Variants in PDGFRL observed in about 807,000 individuals in gnomAD.
PDGFRL encodes the protein platelet derived growth factor receptor like, also known as platelet-derived growth factor receptor-like protein.
In PDGFRL, 46 loss-of-function variants were observed where a neutral mutation model predicts 37.2. That is an observed-to-expected ratio of 1.24 (90% CI 0.98 to 1.58). The LOEUF is 1.58. PDGFRL is among the 40% of genes most tolerant of loss of function. The probability of loss-of-function intolerance (pLI) is 0.00; values close to 1 mark genes in which losing one functional copy is unlikely to be tolerated. For missense variants in PDGFRL, 692 were observed against 467.6 expected (o/e 1.48, Z -4.43); for synonymous variants, 251 against 184.3 (o/e 1.36, Z -2.93).
In PDGFRL at chr8:17,581,861, G is replaced by A. The variant is rs1021671289; in HGVS notation, c.55+4554G>A. On this transcript the variant is annotated intron_variant, in intron 1 of 5. Transcript: ENST00000251630. ...GCCCTACGTATTCCTCTATAGCAAT[G>A]CGAAATGAACTAACACAGAAAATTG... Among the ~76,000 whole-genome samples the A allele has an allele frequency of 4.6e-4, 70 of 152,076 alleles. 1 individual carries two copies. The highest frequency in any genetic ancestry group is 4.6e-3 in the Admixed American group (70 of 15,258).
chr8:17,577,969 G>T (rs906656852), intron 1 of PDGFRL, among the ~76,000 whole-genome samples: 1 of 151,882 alleles, frequency 6.6e-6, no homozygotes, highest in African/African-American at 2.4e-5. Context: ...GACCATGACC[G>T]CTGCGCGTTT....
At chr8:17,642,471 T>G in intron 5 of PDGFRL, 142 bp from the exon 6 acceptor site, 4 of 632,344 alleles carry the variant, frequency 6.3e-6, no homozygotes. Flanking sequence ...CTTCCACAGC[T>G]TATGAGCTAC....
At position 17,642,693 on chromosome 8, in the gene PDGFRL, T is replaced by C. The variant is rs754103250; in HGVS notation, c.1020T>C (p.Ser340=). ...GLGHTTRISQ[S]VITVEDFETI... is the part of the protein sequence containing the mutation. ...GACACACCACGAGAATCTCCCAGAG[T>C]GTCATTACAGTGGAAGACTTTGAGA... Residue 340 remains serine, a synonymous_variant, in exon 6 of 6, where the codon AGT becomes AGC. Coordinates refer to ENST00000251630, the MANE Select transcript of PDGFRL (RefSeq NM_001372073.1). 2.5e-6 allele frequency: 4 copies of C among 1,603,012 alleles called. No individual in the cohort carries two copies. In the South Asian group the frequency reaches 3.3e-5, roughly 13 times the overall value.
At chr8:17,637,288 T>C (rs909922592) in intron 5 of PDGFRL, among the ~76,000 whole-genome samples, 2 of 152,192 alleles carry the variant, frequency 1.3e-5, no homozygotes, top group African/African-American at 2.4e-5. Flanking sequence ...GTTTTAATCA[T>C]AAAGGGATGC....
intron 3 of PDGFRL, among the ~76,000 whole-genome samples, chr8:17,626,212 T>C (rs373456662): frequency 5.3e-5 from 8 of 152,178 alleles, no homozygotes; most frequent in African/African-American, 1.4e-4. Flanking sequence ...ATGTGGACAT[T>C]GAAGCATGAG....
rs748152710 is a variant in PDGFRL, at chr8:17,628,787, C to T, written c.799+7C>T. 3 of 1,603,120 alleles carry T rather than the reference C, an allele frequency of 1.9e-6. No homozygotes were observed. The highest frequency in any genetic ancestry group is 4.5e-5 in the East Asian group (2 of 44,804). ...CAGCTGCTCTATGTGGCGGGTAAGC[C>T]TGGCCACCCCTGCCTAGATTCTAGT... is the stretch of plus-strand genomic sequence containing the variant. On this transcript the variant is annotated splice_region_variant and intron_variant, in intron 4 of 5. Coordinates refer to ENST00000251630, the MANE Select transcript of PDGFRL (RefSeq NM_001372073.1).
chr8:17,592,150 T>G (rs527269635), intron 2 of PDGFRL, among the ~76,000 whole-genome samples: 3 of 152,348 alleles, frequency 2.0e-5, no homozygotes, highest in African/African-American at 7.2e-5. Flanking sequence ...AGCCTTCACT[T>G]TAACATTTCA....
Position 17,630,629 on chromosome 8 carries a change from G to GCTCCC in PDGFRL, c.799+1870_799+1874dup, listed in dbSNP as rs890729567. 2.1e-4 allele frequency among the ~76,000 whole-genome samples: 32 copies of GCTCCC among 152,158 alleles called. 1 individual carries two copies. Among genetic ancestry groups the GCTCCC allele is most frequent in the Admixed American group, 8.5e-4 (13 of 15,278 alleles). On this transcript the variant is annotated intron_variant, in intron 4 of 5. Coordinates refer to ENST00000251630, the MANE Select transcript of PDGFRL (RefSeq NM_001372073.1). Reference sequence around the variant, plus strand: ...TGAGTCGGAGGCCACAGTTCCCTCCGCTCCCCTCCCCTCCCCTCCCCTCCC... The same window carrying GCTCCC: ...TGAGTCGGAGGCCACAGTTCCCTCCGCTCCCCTCCCCTCCCCTCCCCTCCCCTCCC...
chr8:17,599,538 T>A (rs963001957), intron 2 of PDGFRL, among the ~76,000 whole-genome samples: 28 of 152,324 alleles, frequency 1.8e-4, no homozygotes, highest in African/African-American at 6.3e-4. Flanking sequence ...CGACCCTAAA[T>A]GACCCTGTTC....
Position 17,642,969 on chromosome 8 carries a change from A to C in PDGFRL, c.*168A>C. 1.7e-6 allele frequency: 1 copy of C among 574,518 alleles called. No homozygotes were observed. The allele number at this position is 574,518 out of a possible 1,614,324, so 35.6% of individuals were successfully genotyped here. Reference sequence around the variant, plus strand: ...CATCCAAACTAAAAGGAAGTCATCCAGTCTATTCACAGAAGTGTTAACTTT... The same window carrying C: ...CATCCAAACTAAAAGGAAGTCATCCCGTCTATTCACAGAAGTGTTAACTTT... On this transcript the variant is annotated 3_prime_UTR_variant, in exon 6 of 6. Transcript: ENST00000251630.
intron 2 of PDGFRL, among the ~76,000 whole-genome samples, chr8:17,590,906 G>A (rs187403714): frequency 0.017 from 1,371 of 80,090 alleles, 20 homozygotes; most frequent in African/African-American, 0.055. Context: ...TTTTTGAGAC[G>A]GAGTCTCGCT....
chr8:17,592,007 T>C (rs2588154), intron 2 of PDGFRL, among the ~76,000 whole-genome samples: 145,529 of 152,224 alleles, frequency 0.96, 69,897 homozygotes, highest in East Asian at 1. Context: ...AACTGTGTTT[T>C]TGCAGAAATT....
At chr8:17,602,613 A>C (rs1804189930) in intron 2 of PDGFRL, among the ~76,000 whole-genome samples, 1 of 152,196 alleles carries the variant, frequency 6.6e-6, no homozygotes, top group African/African-American at 2.4e-5. Flanking sequence ...AGTGGTTGAA[A>C]TTCCACATTG....
rs370092403 is a variant in PDGFRL at position 17,577,265 on chromosome 8, C to G, written c.13C>G (p.Leu5Val). 8.7e-6 allele frequency: 14 copies of G among 1,612,872 alleles called. No homozygotes were observed. The African/African-American group carries it at 1.9e-4, about 22-fold the overall frequency. Residue 5 changes from leucine (L) to valine (V), a missense_variant, in exon 1 of 6, where the codon CTG becomes GTG. Coordinates refer to ENST00000251630, the MANE Select transcript of PDGFRL (RefSeq NM_001372073.1). ...CGAGGTTCCCGAGATGAAGGTCTGG[C>G]TGCTGCTTGGTCTTCTGCTGGTGCA... MKVW[L>V]LLGLLLVHEA...
At chr8:17,581,418 C>A (rs1803705006) in intron 1 of PDGFRL, among the ~76,000 whole-genome samples, 1 of 152,116 alleles carries the variant, frequency 6.6e-6, no homozygotes, top group African/African-American at 2.4e-5. Context: ...TCACTGGAGG[C>A]TTCTGAACGA....
intron 2 of PDGFRL, among the ~76,000 whole-genome samples, chr8:17,609,915 G>T (rs4921788): frequency 2.6e-5 from 4 of 152,122 alleles, no homozygotes; most frequent in African/African-American, 9.7e-5. Flanking sequence ...ATGTTACTCA[G>T]AAGATTTACC....
chr8:17,625,811 A>T (rs1804722370), intron 3 of PDGFRL, among the ~76,000 whole-genome samples: 2 of 152,168 alleles, frequency 1.3e-5, no homozygotes, highest in African/African-American at 4.8e-5. Flanking sequence ...CAACATAGTG[A>T]GACCCTGACT....
At chr8:17,595,680 C>G (rs1183818532) in intron 2 of PDGFRL, among the ~76,000 whole-genome samples, 3 of 152,184 alleles carry the variant, frequency 2.0e-5, no homozygotes, top group Admixed American at 6.5e-5. Context: ...CTACCCGCCC[C>G]TTTTTCAGGG....
chr8:17,634,557 T>A (rs1804931461), intron 5 of PDGFRL, among the ~76,000 whole-genome samples: 3 of 151,676 alleles, frequency 2.0e-5, no homozygotes, highest in Admixed American at 1.3e-4. Flanking sequence ...ACCAAAGACA[T>A]GGAATCAACC....
Sources: gnomAD v4.1 joint callset for allele counts (sites outside exome capture counted in the v4.1 genomes callset) on GRCh38, gnomAD v4.1.1 for gene constraint, MANE v1.5 for transcripts, NCBI Gene and HGNC (gene_info 2026-07-23, HGNC 2026-07-21) for gene names.